SFRP1: variants seen among roughly 807,000 people sequenced by gnomAD.
SFRP1 encodes secreted frizzled-related protein 1.
In SFRP1, 9 loss-of-function variants were observed where a neutral mutation model predicts 25.9. The observed-to-expected ratio is 0.35, with a 90% CI of 0.21 to 0.61. The LOEUF (loss-of-function observed/expected upper bound fraction) is 0.61, where lower values mean the gene tolerates loss of function less well. Among genes scored for constraint, SFRP1 ranks in the 20% least tolerant of loss-of-function variants. The probability of loss-of-function intolerance (pLI) is 0.78; values close to 1 mark genes in which losing one functional copy is unlikely to be tolerated. For synonymous variants in SFRP1, 178 were observed against 174.0 expected, an observed-to-expected ratio of 1.02 and a Z score of -0.18; for missense variants, 346 against 418.2, an observed-to-expected ratio of 0.83 and a Z score of 1.51.
At chr8:41,276,391 G>A (rs987292352) in intron 2 of SFRP1, among the ~76,000 whole-genome samples, 7 of 152,210 alleles carry the variant, frequency 4.6e-5, no homozygotes, top group Non-Finnish European at 7.3e-5. Context: ...AGAGTTCTGG[G>A]CACCATGGCG....
intron 2 of SFRP1, 101 bp from the exon 3 acceptor site, chr8:41,265,590 T>C (rs1427178944): frequency 1.2e-6 from 1 of 806,210 alleles, no homozygotes; most frequent in African/African-American, 1.8e-5. Flanking sequence ...CATTTTATTA[T>C]TTTATTTTTT....
intron 2 of SFRP1, among the ~76,000 whole-genome samples, chr8:41,269,720 G>C (rs1803479884): frequency 6.6e-6 from 1 of 152,188 alleles, no homozygotes. Flanking sequence ...CATTGGCCCA[G>C]AGCCAGTCAT....
intron 1 of SFRP1, among the ~76,000 whole-genome samples, chr8:41,307,406 A>AACG (rs1804012055): frequency 6.6e-6 from 1 of 152,000 alleles, no homozygotes; most frequent in African/African-American, 2.4e-5. Flanking sequence ...CCACCTGCCC[A>AACG]AATCCTCACT....
chr8:41,268,979 T>G (rs1256172677), intron 2 of SFRP1, among the ~76,000 whole-genome samples: 2 of 152,168 alleles, frequency 1.3e-5, no homozygotes, highest in Admixed American at 1.3e-4. Context: ...AGGTCCTGGG[T>G]TCTTCTCTGA....
chr8:41,301,086 C>G (rs7824131), intron 2 of SFRP1, among the ~76,000 whole-genome samples: 95,108 of 152,002 alleles, frequency 0.63, 30,063 homozygotes, highest in Middle Eastern at 0.74. Context: ...CACAGAGGCT[C>G]CCGGAGACCA....
chr8:41,267,975 G>C (rs1342221973), intron 2 of SFRP1, among the ~76,000 whole-genome samples: 1 of 152,158 alleles, frequency 6.6e-6, no homozygotes, highest in Non-Finnish European at 1.5e-5. Flanking sequence ...GTGCCTCCTG[G>C]TTGAAAGAGA....
chr8:41,306,925 C>A, intron 1 of SFRP1: 1 of 1,562,262 alleles, frequency 6.4e-7, no homozygotes, highest in East Asian at 2.3e-5. Context: ...TCCAATCCCC[C>A]CATGTTCCCT....
At chr8:41,306,823 C>A (rs904816456) in intron 1 of SFRP1, 14 of 1,597,898 alleles carry the variant, frequency 8.8e-6, no homozygotes, top group African/African-American at 1.3e-5. Flanking sequence ...AAAAGGTGTC[C>A]GGAAGACAGC....
At chr8:41,296,037 G>A (rs1049922506) in intron 2 of SFRP1, among the ~76,000 whole-genome samples, 2 of 152,166 alleles carry the variant, frequency 1.3e-5, no homozygotes, top group Non-Finnish European at 2.9e-5. Context: ...TCAAACCCAG[G>A]GAGGCTCACG....
intron 2 of SFRP1, among the ~76,000 whole-genome samples, chr8:41,302,428 G>A (rs1003210448): frequency 3.3e-5 from 5 of 152,198 alleles, no homozygotes; most frequent in South Asian, 2.1e-4. Flanking sequence ...TACCATGTTC[G>A]ATTAATGAAA....
At chr8:41,267,756 A>T (rs1296152809) in intron 2 of SFRP1, among the ~76,000 whole-genome samples, 5 of 152,244 alleles carry the variant, frequency 3.3e-5, no homozygotes, top group Non-Finnish European at 2.9e-5. Flanking sequence ...GCCTAAAGTC[A>T]CTAATCCTAA....
intron 2 of SFRP1, among the ~76,000 whole-genome samples, chr8:41,296,229 C>T (rs1803842135): frequency 6.6e-6 from 1 of 152,232 alleles, no homozygotes; most frequent in African/African-American, 2.4e-5. Flanking sequence ...CTGGCTTTCA[C>T]ACGGAGTTTG....
At chr8:41,268,110 T>C (rs1803458736) in intron 2 of SFRP1, among the ~76,000 whole-genome samples, 1 of 152,242 alleles carries the variant, frequency 6.6e-6, no homozygotes, top group South Asian at 2.1e-4. Flanking sequence ...CGCCCTCTTG[T>C]CTGCAGAGAA....
chr8:41,281,353 A>G lies in SFRP1; in HGVS notation c.623-15864T>C, dbSNP rs576910359. Among the ~76,000 whole-genome samples the G allele has an allele frequency of 2.0e-4, 30 of 152,306 alleles. No individual in the cohort carries two copies. The East Asian group carries it at 5.8e-3, about 29-fold the overall frequency. On this transcript the variant is annotated intron_variant, in intron 2 of 2. Coordinates refer to ENST00000220772, the MANE Select transcript of SFRP1 (RefSeq NM_003012.5). ...TTCAAGGATTTGCCAGTGGAGTGGGAGTGCAGTGCCCCTCACTCCCTCAGC... is the reference window on the plus strand; with the variant it reads ...TTCAAGGATTTGCCAGTGGAGTGGGGGTGCAGTGCCCCTCACTCCCTCAGC...
intron 2 of SFRP1, among the ~76,000 whole-genome samples, chr8:41,293,410 AC>A (rs1366764369): frequency 6.6e-6 from 1 of 152,216 alleles, no homozygotes; most frequent in Non-Finnish European, 1.5e-5. Context: ...GTTATAACTG[AC>A]AAATGACAAA....
At chr8:41,301,807 CG>C (rs1368604081) in intron 2 of SFRP1, among the ~76,000 whole-genome samples, 1 of 152,210 alleles carries the variant, frequency 6.6e-6, no homozygotes, top group East Asian at 1.9e-4. Flanking sequence ...TTCCACAAAC[CG>C]TGACTGGTTA....
chr8:41,295,627 C>T (rs1803835078), intron 2 of SFRP1, among the ~76,000 whole-genome samples: 1 of 152,044 alleles, frequency 6.6e-6, no homozygotes, highest in African/African-American at 2.4e-5. Context: ...TGTCCATCCA[C>T]CCTCTCACTT....
chr8:41,282,388 C>G (rs1026430802), intron 2 of SFRP1, among the ~76,000 whole-genome samples: 2 of 152,062 alleles, frequency 1.3e-5, no homozygotes, highest in African/African-American at 4.8e-5. Context: ...TCGTGTGGGC[C>G]TGTAGTCCCA....
Position 41,265,481 on chromosome 8 carries a change from T to A in SFRP1, c.631A>T (p.Met211Leu). The A allele has an allele frequency of 6.2e-7, 1 of 1,605,878 alleles. No homozygotes were observed. Among genetic ancestry groups the A allele is most frequent in the Non-Finnish European group, 8.5e-7 (1 of 1,177,758 alleles). The change falls in exon 3 of 3, where the codon ATG becomes TTG. Residue 211 changes from methionine to leucine, a missense_variant. By Grantham distance (15) the Met-to-Leu change is conservative. Transcript: ENST00000220772. ...HLCASEFALR[M>L]KIKEVKKENG... The stretch of plus-strand genomic sequence containing the variant: ...TCTTTTTTCACTTCTTTTATTTTCA[T>A]CCTCAGTGCTAGAGATGGAGAGGAC...
Sources: gnomAD v4.1 joint callset for allele counts (sites outside exome capture counted in the v4.1 genomes callset) on GRCh38, gnomAD v4.1.1 for gene constraint, MANE v1.5 for transcripts, NCBI Gene and HGNC (gene_info 2026-07-23, HGNC 2026-07-21) for gene names.